Variants in GRID1 observed in about 807,000 individuals in gnomAD.
The protein encoded by GRID1 is glutamate receptor ionotropic, delta-1.
In GRID1, 28 loss-of-function variants were observed where a neutral mutation model predicts 98.0. The observed-to-expected ratio is 0.29, with a 90% CI of 0.21 to 0.39. The LOEUF (loss-of-function observed/expected upper bound fraction) is 0.39, where lower values mean the gene tolerates loss of function less well. GRID1 is among the 10% of genes least tolerant of loss of function. The pLI, the probability that GRID1 is intolerant of heterozygous loss-of-function variation, is 1.00. For missense variants in GRID1, 1,111 were observed against 1,340.5 expected (o/e 0.83, Z 2.67); for synonymous variants, 553 against 538.5 (o/e 1.03, Z -0.37).
chr10:86,018,706 C>G (rs1369528428), intron 4 of GRID1, among the ~76,000 whole-genome samples: 1 of 152,180 alleles, frequency 6.6e-6, no homozygotes, highest in East Asian at 1.9e-4. Flanking sequence ...AGACTTGCTG[C>G]TCGGGGAGCT....
At chr10:86,356,718 C>T (rs7905917) in intron 2 of GRID1, among the ~76,000 whole-genome samples, 1,873 of 152,312 alleles carry the variant, frequency 0.012, 34 homozygotes, top group African/African-American at 0.043. Context: ...CTGACTCATA[C>T]AACGGGAAAC....
At chr10:85,718,289 T>TC (rs1841662597) in intron 12 of GRID1, among the ~76,000 whole-genome samples, 1 of 152,180 alleles carries the variant, frequency 6.6e-6, no homozygotes, top group African/African-American at 2.4e-5. Flanking sequence ...TGCCTGGGCA[T>TC]CCAGGCATTT....
chr10:85,862,164 CT>C (rs1439877875), intron 6 of GRID1, among the ~76,000 whole-genome samples: 2 of 152,124 alleles, frequency 1.3e-5, no homozygotes, highest in Non-Finnish European at 2.9e-5. Context: ...TAATCAGGAC[CT>C]GCTACAACAT....
At chr10:86,198,491 A>G (rs1289927732) in intron 3 of GRID1, among the ~76,000 whole-genome samples, 2 of 152,188 alleles carry the variant, frequency 1.3e-5, no homozygotes, top group Non-Finnish European at 1.5e-5. Flanking sequence ...GCTCCAGAGT[A>G]GTAAGTGTTA....
In GRID1 at chr10:85,878,007, A is replaced by C. The variant is rs184883646; in HGVS notation, c.781-8827T>G. Among the ~76,000 whole-genome samples the C allele has an allele frequency of 5.8e-3, 882 of 152,362 alleles. 29 individuals are homozygous for C. The highest frequency in any genetic ancestry group is 0.051 in the Admixed American group (778 of 15,304). On this transcript the variant is annotated intron_variant, in intron 5 of 15. Transcript: ENST00000327946. The stretch of plus-strand genomic sequence containing the variant: ...TCAGGAGCCGATGCAATCGACTGGA[A>C]GAAAGGGTATCAGTGATGGAAGACG...
intron 2 of GRID1, 31 bp downstream of exon 2, chr10:86,363,910 C>A: frequency 6.3e-7 from 1 of 1,599,494 alleles, no homozygotes. Flanking sequence ...AGGCCGTGTC[C>A]CAGTGGGCCC....
chr10:86,263,270 A>T (rs2132056532), intron 2 of GRID1, among the ~76,000 whole-genome samples: 1 of 152,346 alleles, frequency 6.6e-6, no homozygotes, highest in Admixed American at 6.5e-5. Flanking sequence ...CCTGGCGGAG[A>T]AGCTCCCGCA....
chr10:85,691,987 C>T (rs1410308030), intron 12 of GRID1, among the ~76,000 whole-genome samples: 6 of 152,102 alleles, frequency 3.9e-5, no homozygotes, highest in Non-Finnish European at 8.8e-5. Flanking sequence ...TTCTACATCA[C>T]ACTGTGCAAT....
intron 8 of GRID1, among the ~76,000 whole-genome samples, chr10:85,844,640 C>A (rs1319717585): frequency 6.6e-6 from 1 of 151,762 alleles, no homozygotes; most frequent in East Asian, 1.9e-4. Flanking sequence ...AAATCTATAC[C>A]AACTCAAAAT....
chr10:85,934,637 G>A (rs1218203515), intron 4 of GRID1, among the ~76,000 whole-genome samples: 3 of 152,166 alleles, frequency 2.0e-5, no homozygotes, highest in East Asian at 1.9e-4. Context: ...GATGAAAAGT[G>A]CCTAATTTGT....
chr10:86,120,199 C>T (rs944455892), intron 4 of GRID1, among the ~76,000 whole-genome samples: 2 of 152,158 alleles, frequency 1.3e-5, no homozygotes, highest in African/African-American at 4.8e-5. Flanking sequence ...TTTGATGTTG[C>T]CATATTAAAA....
At chr10:86,363,363 A>C (rs1176223345) in intron 2 of GRID1, among the ~76,000 whole-genome samples, 1 of 152,086 alleles carries the variant, frequency 6.6e-6, no homozygotes, top group Non-Finnish European at 1.5e-5. Context: ...GCGGACAGCG[A>C]GAGAGAAACC....
chr10:86,151,926 C>T (rs1166689508), intron 3 of GRID1, among the ~76,000 whole-genome samples: 2 of 152,238 alleles, frequency 1.3e-5, no homozygotes, highest in African/African-American at 4.8e-5. Flanking sequence ...CAGGCTTGCT[C>T]CAAGCCTATG....
At chr10:85,822,774 A>T (rs146903433) in intron 8 of GRID1, among the ~76,000 whole-genome samples, 22,449 of 152,176 alleles carry the variant, frequency 0.15, 1,926 homozygotes, top group African/African-American at 0.21. Context: ...AATAGCAAAG[A>T]CTTGGAAACA....
intron 4 of GRID1, among the ~76,000 whole-genome samples, chr10:86,055,626 C>A (rs568830767): frequency 2.3e-4 from 35 of 152,228 alleles, no homozygotes; most frequent in Middle Eastern, 6.8e-3. Flanking sequence ...GCCTGTAATC[C>A]CAGCTACTCA....
chr10:85,903,348 C>A (rs1841415195), intron 5 of GRID1, among the ~76,000 whole-genome samples: 1 of 152,168 alleles, frequency 6.6e-6, no homozygotes. Context: ...TTTCTCTTTT[C>A]TCATAATCCA....
intron 10 of GRID1, 112 bp downstream of exon 10, chr10:85,727,743 G>C (rs1272001324): frequency 2.8e-6 from 2 of 726,758 alleles, no homozygotes; most frequent in Admixed American, 4.5e-5. Context: ...AATGGTAACT[G>C]TGGTCTGTTT....
At chr10:85,687,953 G>A (rs1190290008) in intron 12 of GRID1, among the ~76,000 whole-genome samples, 1 of 152,188 alleles carries the variant, frequency 6.6e-6, no homozygotes, top group Non-Finnish European at 1.5e-5. Context: ...TTTCAAATGA[G>A]GGAGTTGGCT....
intron 3 of GRID1, among the ~76,000 whole-genome samples, chr10:86,149,805 T>C (rs889846686): frequency 6.6e-6 from 1 of 151,754 alleles, no homozygotes; most frequent in African/African-American, 2.4e-5. Context: ...GTTCCAGTAT[T>C]TGGATAAAAT....
Sources: gnomAD v4.1 joint callset for allele counts (sites outside exome capture counted in the v4.1 genomes callset) on GRCh38, gnomAD v4.1.1 for gene constraint, MANE v1.5 for transcripts, NCBI Gene and HGNC (gene_info 2026-07-23, HGNC 2026-07-21) for gene names.